The following TARS1 variants were observed in gnomAD, a reference collection of about 807,000 sequenced individuals.
TARS1 encodes threonyl-tRNA synthetase 1.
In TARS1, 57 loss-of-function variants were observed where a neutral mutation model predicts 97.7. The ratio of observed to expected loss-of-function variants is 0.58; its 90% confidence interval spans 0.47 to 0.73. TARS1 has a LOEUF of 0.73. TARS1 is among the 30% of genes least tolerant of loss of function. The pLI is 0.00. For missense variants in TARS1, 806 were observed against 888.3 expected, an observed-to-expected ratio of 0.91 and a Z score of 1.18; for synonymous variants, 312 against 293.7, an observed-to-expected ratio of 1.06 and a Z score of -0.64.
chr5:33,456,292 C>G, intron 8 of TARS1, 65 bp downstream of exon 8: 1 of 1,271,120 alleles, frequency 7.9e-7, no homozygotes, highest in Non-Finnish European at 1.1e-6. Context: ...TTTAAACTTT[C>G]ACTGATTTCT....
At chr5:33,454,858 T>C in intron 4 of TARS1, 87 bp from the exon 5 acceptor site, 1 of 1,496,540 alleles carries the variant, frequency 6.7e-7, no homozygotes, top group Non-Finnish European at 9.0e-7. Context: ...GTAGTAAATA[T>C]TATCATCTGT....
intron 1 of TARS1, 83 bp downstream of exon 1, chr5:33,441,226 A>T: frequency 6.4e-7 from 1 of 1,550,558 alleles, no homozygotes; most frequent in Non-Finnish European, 8.9e-7. Context: ...AGCGGGGGGC[A>T]GGAAGCAGGA....
intron 18 of TARS1, 66 bp downstream of exon 18, chr5:33,467,051 C>T (rs916566879): frequency 9.8e-6 from 9 of 915,086 alleles, no homozygotes; most frequent in East Asian, 2.9e-5. Context: ...AACCTTGAGA[C>T]AGGTTTAAGT....
At position 33,455,740 on chromosome 5, in the gene TARS1, A is replaced by G. The variant is rs1415093768; in HGVS notation, c.693+36A>G. The G allele has an allele frequency of 2.9e-6, 4 of 1,390,034 alleles. No homozygotes were observed. In the African/African-American group the frequency reaches 4.3e-5, roughly 15 times the overall value. 86.1% of individuals were successfully genotyped at this position (1,390,034 alleles called of 1,614,324 possible). A position where few individuals can be genotyped will look rare whatever the true frequency, so the allele number is the denominator to read the frequency against. ...CCATAGTGCGTGGCCCCCACTGTTAATATCATTTATTCATGTTAGTTGAAG... is the reference window on the plus strand; with the variant it reads ...CCATAGTGCGTGGCCCCCACTGTTAGTATCATTTATTCATGTTAGTTGAAG... On this transcript the variant is annotated intron_variant, in intron 6 of 18. Coordinates refer to ENST00000265112, the MANE Select transcript of TARS1 (RefSeq NM_152295.5).
chr5:33,465,759 C>T (rs1742501647), intron 17 of TARS1, among the ~76,000 whole-genome samples: 1 of 152,154 alleles, frequency 6.6e-6, no homozygotes, highest in East Asian at 1.9e-4. Flanking sequence ...ATTTGACATA[C>T]ATAAATAACC....
chr5:33,463,625 AG>A, intron 16 of TARS1, 127 bp from the exon 17 acceptor site: 1 of 810,346 alleles, frequency 1.2e-6, no homozygotes, highest in Non-Finnish European at 1.9e-6. Context: ...GGTTTTTTAA[AG>A]CCAAGTTTTA....
At chr5:33,466,483 C>A (rs1156805551) in intron 17 of TARS1, among the ~76,000 whole-genome samples, 1 of 151,534 alleles carries the variant, frequency 6.6e-6, no homozygotes, top group Non-Finnish European at 1.5e-5. Flanking sequence ...TTTTTCACAT[C>A]TGTAATCTGA....
rs778635791 is a variant in TARS1 at position 33,460,918 on chromosome 5, C to T, written c.1267C>T (p.Arg423Trp). 6 of 1,613,918 alleles carry T rather than the reference C, an allele frequency of 3.7e-6. No homozygotes were observed. Among genetic ancestry groups the T allele is most frequent in the Admixed American group, 1.7e-5 (1 of 59,986 alleles). ...CPGHCLMFDH[R>W]PRSWRELPLR... ...TCTCTTCAGCCTTATGTTTGATCAT[C>T]GGCCAAGGTCCTGGCGAGAACTGCC... Residue 423 changes from arginine to tryptophan, a missense_variant, in exon 12 of 19, where the codon CGG becomes TGG. Physicochemically the swap from Arg to Trp is moderately radical, Grantham distance 101. Coordinates refer to ENST00000265112, the MANE Select transcript of TARS1 (RefSeq NM_152295.5).
chr5:33,457,505 G>T (rs1010214638), intron 9 of TARS1, 102 bp downstream of exon 9: 25 of 1,360,000 alleles, frequency 1.8e-5, no homozygotes, highest in Non-Finnish European at 2.5e-5. Flanking sequence ...GTTTTGAAGA[G>T]ATGTTGTGGC....
chr5:33,448,847 ATC>A (rs1418355952), intron 3 of TARS1, 116 bp downstream of exon 3: 1 of 884,512 alleles, frequency 1.1e-6, no homozygotes, highest in East Asian at 3.0e-5. Flanking sequence ...AGTGTTTTTA[ATC>A]TGTTTAATTT....
chr5:33,461,427 C>T, intron 13 of TARS1, 132 bp downstream of exon 13: 1 of 1,319,420 alleles, frequency 7.6e-7, no homozygotes, highest in Non-Finnish European at 1.0e-6. Flanking sequence ...TTTGTGTAAG[C>T]TAGTTTTTTT....
At position 33,457,555 on chromosome 5, in the gene TARS1, CACTT is replaced by C. The variant is rs372138019; in HGVS notation, c.984+156_984+159del. ...TGCTATGTCCTGTACAAACTATAAA[CACTT>C]ACTGATTGTCCACATTATCTGCCTG... On this transcript the variant is annotated intron_variant, in intron 9 of 18. Coordinates refer to ENST00000265112, the MANE Select transcript of TARS1 (RefSeq NM_152295.5). 640 of 795,070 alleles carry C rather than the reference CACTT, an allele frequency of 8.0e-4. 2 individuals are homozygous for C. The African/African-American group carries it at 0.01, about 13-fold the overall frequency. 49.3% of individuals were successfully genotyped at this position (795,070 alleles called of 1,614,324 possible). A position where few individuals can be genotyped will look rare whatever the true frequency, so the allele number is the denominator to read the frequency against.
In TARS1 at chr5:33,445,205, T is replaced by A; in HGVS notation, c.58-119T>A. Reference sequence around the variant, plus strand: ...ATTGTTCAGTCTTTCAATATCAGATTTCCATTTTTTTTAAATTAAATAACA... The same window carrying A: ...ATTGTTCAGTCTTTCAATATCAGATATCCATTTTTTTTAAATTAAATAACA... On this transcript the variant is annotated intron_variant, in intron 1 of 18. Coordinates refer to ENST00000265112, the MANE Select transcript of TARS1 (RefSeq NM_152295.5). The A allele has an allele frequency of 1.6e-5, 12 of 742,772 alleles. No individual in the cohort carries two copies. The South Asian group carries it at 2.6e-4, about 16-fold the overall frequency. The allele number at this position is 742,772 out of a possible 1,614,324, so 46.0% of individuals were successfully genotyped here.
intron 4 of TARS1, 120 bp downstream of exon 4, chr5:33,453,532 T>C (rs1189225321): frequency 1.6e-6 from 2 of 1,287,726 alleles, no homozygotes; most frequent in East Asian, 4.7e-5. Flanking sequence ...CTGTCATATT[T>C]GAAATCTTCA....
intron 5 of TARS1, among the ~76,000 whole-genome samples, 200 bp downstream of exon 5, chr5:33,455,266 G>A (rs898328964): frequency 4.6e-5 from 7 of 152,152 alleles, no homozygotes; most frequent in African/African-American, 1.7e-4. Context: ...GATTGATGGA[G>A]GTAGAGTCCT....
chr5:33,460,584 AG>A (rs1340610127), intron 11 of TARS1, among the ~76,000 whole-genome samples: 15 of 152,180 alleles, frequency 9.9e-5, no homozygotes, highest in Admixed American at 8.5e-4. Context: ...AGGGCAGAGG[AG>A]GTGAGAGAAG....
chr5:33,444,947 T>C (rs1741336655), intron 1 of TARS1, among the ~76,000 whole-genome samples: 1 of 152,018 alleles, frequency 6.6e-6, no homozygotes, highest in Non-Finnish European at 1.5e-5. Flanking sequence ...GGGCACACTT[T>C]GCATTCAGTT....
chr5:33,455,655 C>G lies in TARS1; in HGVS notation c.644C>G (p.Ala215Gly). 1.2e-6 allele frequency: 2 copies of G among 1,612,776 alleles called. No individual in the cohort carries two copies. Among genetic ancestry groups the G allele is most frequent in the South Asian group, 1.1e-5 (1 of 90,954 alleles). ...LCKKIIKEKQ[A>G]FERLEVKKET... is the part of the protein sequence containing the mutation. Reference sequence around the variant, plus strand: ...AAGAAAATCATTAAAGAAAAACAAGCTTTTGAAAGACTGGAAGTTAAGAAA... The same window carrying G: ...AAGAAAATCATTAAAGAAAAACAAGGTTTTGAAAGACTGGAAGTTAAGAAA... The change falls in exon 6 of 19, where the codon GCT becomes GGT. Residue 215 changes from alanine to glycine, a missense_variant. This residue lies in a region of TARS1 where 356 missense variants were observed against 357.8 expected (regional missense o/e 0.99). Transcript: ENST00000265112.
At chr5:33,465,422 C>A (rs1424050364) in intron 17 of TARS1, among the ~76,000 whole-genome samples, 3 of 152,178 alleles carry the variant, frequency 2.0e-5, no homozygotes, top group Non-Finnish European at 2.9e-5. Flanking sequence ...AACTATAGAG[C>A]AGACATGTTA....
Sources: allele counts gnomAD v4.1 joint callset (sites outside exome capture counted in the v4.1 genomes callset), GRCh38; gene constraint gnomAD v4.1.1; regional missense constraint gnomAD v4.1.1; transcripts MANE v1.5; gene names NCBI Gene and HGNC (gene_info 2026-07-23, HGNC 2026-07-21).